The following RAD51B variants were observed in gnomAD, a reference collection of about 807,000 sequenced individuals.
The protein encoded by RAD51B is DNA repair protein RAD51 homolog 2.
A neutral mutation model predicts 42.2 loss-of-function variants in RAD51B; 38 were observed. The observed-to-expected ratio is 0.90, with a 90% CI of 0.70 to 1.18. The LOEUF (loss-of-function observed/expected upper bound fraction) is 1.18. RAD51B is among the 50% of genes most tolerant of loss of function. RAD51B has a pLI of 0.00. For synonymous variants in RAD51B, 154 were observed against 145.2 expected (o/e 1.06, Z -0.43); for missense variants, 373 against 400.7 (o/e 0.93, Z 0.59).
intron 7 of RAD51B, among the ~76,000 whole-genome samples, chr14:67,971,606 T>C (rs1460366967): frequency 1.3e-5 from 2 of 152,096 alleles, no homozygotes; most frequent in African/African-American, 4.8e-5. Context: ...GAATGAACTA[T>C]AAAAGATAGA....
chr14:68,648,015 ATATATACG>A (rs1258458437), intron 10 of RAD51B, among the ~76,000 whole-genome samples: 12 of 90,360 alleles, frequency 1.3e-4, no homozygotes, highest in Non-Finnish European at 2.2e-4. Flanking sequence ...ATATATATAT[ATATATACG>A]TATATATATA....
chr14:68,300,481 A>T (rs1241116923), intron 8 of RAD51B, among the ~76,000 whole-genome samples: 1 of 152,162 alleles, frequency 6.6e-6, no homozygotes, highest in Non-Finnish European at 1.5e-5. Context: ...ACATGCTGGG[A>T]TTACAGGTGT....
chr14:67,960,284 T>A lies in RAD51B; in HGVS notation c.756+73080T>A, dbSNP rs190656456. 9.2e-5 allele frequency among the ~76,000 whole-genome samples: 14 copies of A among 152,350 alleles called. No homozygotes were observed. In the East Asian group the frequency reaches 2.5e-3, roughly 27 times the overall value. The stretch of plus-strand genomic sequence containing the variant: ...GTAATAGTAGGAGCTGAGCCTCAAC[T>A]TTATAAATGGTTTGACACTACTTTA... On this transcript the variant is annotated intron_variant, in intron 7 of 10. Coordinates refer to ENST00000471583, the MANE Select transcript of RAD51B (RefSeq NM_133510.4).
intron 9 of RAD51B, among the ~76,000 whole-genome samples, chr14:68,435,253 C>T (rs2085117150): frequency 1.3e-5 from 2 of 152,234 alleles, no homozygotes; most frequent in Admixed American, 1.3e-4. Context: ...TACTTAGCTC[C>T]CACTTATAAG....
chr14:67,986,906 A>G (rs2075204296), intron 7 of RAD51B, among the ~76,000 whole-genome samples: 1 of 152,066 alleles, frequency 6.6e-6, no homozygotes, highest in African/African-American at 2.4e-5. Context: ...TAATTTTTGT[A>G]TTTTTAGTAG....
intron 7 of RAD51B, among the ~76,000 whole-genome samples, chr14:68,186,893 C>T (rs895495195): frequency 1.1e-4 from 17 of 152,074 alleles, no homozygotes; most frequent in African/African-American, 3.1e-4. Flanking sequence ...AATTTTTCTA[C>T]GAAAAAGACA....
rs114532157 is a variant in RAD51B, at chr14:68,668,414, T to C, written c.*11+17558T>C. ...GCTCATCGAAAACCACGCATTCCAC[T>C]CCACTTCCCGGCCTCCCCTGCCGTT... On this transcript the variant is annotated intron_variant, in intron 11 of 11. Coordinates refer to the RAD51B transcript ENST00000488612. Among the ~76,000 whole-genome samples, 978 of 152,224 alleles carry C rather than the reference T, an allele frequency of 6.4e-3. 9 individuals are homozygous for C. The highest frequency in any genetic ancestry group is 0.022 in the African/African-American group (922 of 41,514).
intron 8 of RAD51B, among the ~76,000 whole-genome samples, chr14:68,387,411 G>A (rs936842914): frequency 1.2e-4 from 19 of 152,102 alleles, no homozygotes; most frequent in African/African-American, 4.6e-4. Context: ...TACAGCAAGT[G>A]GCATAAAAAC....
At chr14:68,348,619 G>A (rs952094209) in intron 8 of RAD51B, among the ~76,000 whole-genome samples, 5 of 152,190 alleles carry the variant, frequency 3.3e-5, no homozygotes, top group African/African-American at 1.2e-4. Context: ...ACTTTGTCTC[G>A]CCTGGCGCGG....
intron 10 of RAD51B, among the ~76,000 whole-genome samples, chr14:68,527,905 T>C (rs745939250): frequency 1.1e-3 from 163 of 152,386 alleles, no homozygotes; most frequent in Middle Eastern, 3.4e-3. Flanking sequence ...AGTGGAATTG[T>C]AAGGATATTT....
intron 10 of RAD51B, among the ~76,000 whole-genome samples, chr14:68,529,749 A>G (rs11621276): frequency 0.19 from 28,678 of 152,230 alleles, 3,443 homozygotes; most frequent in Non-Finnish European, 0.28. Flanking sequence ...ATTCAACACT[A>G]AGAAAACCAG....
intron 10 of RAD51B, among the ~76,000 whole-genome samples, chr14:68,606,443 A>T (rs924937126): frequency 6.6e-6 from 1 of 152,166 alleles, no homozygotes; most frequent in Non-Finnish European, 1.5e-5. Context: ...TAAAATTGGA[A>T]TTTTTGCATC....
At chr14:68,340,896 CT>C (rs1327789757) in intron 8 of RAD51B, among the ~76,000 whole-genome samples, 3 of 152,344 alleles carry the variant, frequency 2.0e-5, no homozygotes, top group Admixed American at 6.5e-5. Context: ...TCAGAGATCT[CT>C]AGATGTTTTC....
intron 8 of RAD51B, among the ~76,000 whole-genome samples, chr14:68,378,516 C>T (rs1594752231): frequency 6.6e-6 from 1 of 152,148 alleles, no homozygotes; most frequent in East Asian, 1.9e-4. Flanking sequence ...GCCCAAGTCC[C>T]TTATATAAAA....
chr14:67,950,158 G>T (rs2074417348), intron 7 of RAD51B, among the ~76,000 whole-genome samples: 1 of 152,038 alleles, frequency 6.6e-6, no homozygotes, highest in Admixed American at 6.6e-5. Context: ...TTGAAGTTTT[G>T]AAACCAGGCA....
intron 7 of RAD51B, among the ~76,000 whole-genome samples, chr14:67,955,029 A>G (rs2074521784): frequency 6.6e-6 from 1 of 152,162 alleles, no homozygotes; most frequent in African/African-American, 2.4e-5. Flanking sequence ...CAGGCATCTC[A>G]TTAAAAAAGA....
At chr14:68,189,941 C>T (rs1429127543) in intron 7 of RAD51B, among the ~76,000 whole-genome samples, 2 of 152,196 alleles carry the variant, frequency 1.3e-5, no homozygotes, top group South Asian at 2.1e-4. Flanking sequence ...GCTGGGATTA[C>T]AGGCATGAGC....
At chr14:67,887,295 T>C in intron 7 of RAD51B, 91 bp downstream of exon 7, 1 of 1,146,286 alleles carries the variant, frequency 8.7e-7, no homozygotes, top group African/African-American at 1.6e-5. Flanking sequence ...ATAATAAAAT[T>C]AGAGGAAAAT....
chr14:68,020,878 A>G (rs2075852868), intron 7 of RAD51B, among the ~76,000 whole-genome samples: 2 of 152,216 alleles, frequency 1.3e-5, no homozygotes, highest in South Asian at 2.1e-4. Context: ...AAAAATATAT[A>G]TGTTTGCAGC....
Sources: gnomAD v4.1 joint callset for allele counts (sites outside exome capture counted in the v4.1 genomes callset) on GRCh38, gnomAD v4.1.1 for gene constraint, MANE v1.5 for transcripts, NCBI Gene and HGNC (gene_info 2026-07-23, HGNC 2026-07-21) for gene names.